TEX52: variants seen among roughly 807,000 people sequenced by gnomAD.
TEX52 encodes the protein testis expressed 52, also known as testis-expressed protein 52.
Under a neutral mutation model 17.6 loss-of-function variants are expected in TEX52, and 22 were observed. The ratio of observed to expected loss-of-function variants is 1.25; its 90% CI spans 0.89 to 1.78. The LOEUF (loss-of-function observed/expected upper bound fraction) is 1.78. Among genes scored for constraint, TEX52 ranks in the 40% most tolerant of loss-of-function variants. The probability of loss-of-function intolerance (pLI) is 0.00; values close to 1 mark genes in which losing one functional copy is unlikely to be tolerated. For synonymous variants in TEX52, 168 were observed against 147.4 expected (o/e 1.14, Z -1.01); for missense variants, 396 against 372.3 (o/e 1.06, Z -0.52).
chr12:2,851,288 C>T (rs2098070073), intron 2 of TEX52, among the ~76,000 whole-genome samples: 1 of 152,084 alleles, frequency 6.6e-6, no homozygotes, highest in South Asian at 2.1e-4. Flanking sequence ...AGGCCTAGGA[C>T]ATTACTGTAC....
At chr12:2,852,398 A>G (rs770064880) in intron 2 of TEX52, among the ~76,000 whole-genome samples, 1 of 151,876 alleles carries the variant, frequency 6.6e-6, no homozygotes, top group Non-Finnish European at 1.5e-5. Context: ...CTAGGGTCTC[A>G]CCACGTTGCC....
intron 1 of TEX52, among the ~76,000 whole-genome samples, chr12:2,855,773 G>C (rs1299277945): frequency 6.6e-6 from 1 of 152,132 alleles, no homozygotes; most frequent in Admixed American, 6.5e-5. Flanking sequence ...TTCCCACCCA[G>C]GAACTGGTGC....
downstream of TEX52, chr12:2,848,944 A>C: frequency 2.4e-6 from 1 of 418,226 alleles, no homozygotes; most frequent in Non-Finnish European, 4.3e-6. Context: ...CTCCTTAGGA[A>C]CTGGAGCCCC....
rs1171126116 is a variant in TEX52 at position 2,855,257 on chromosome 12, C to T, written c.262G>A (p.Gly88Ser). The T allele has an allele frequency of 1.5e-5, 22 of 1,511,228 alleles. No homozygotes were observed. Among genetic ancestry groups the T allele is most frequent in the Non-Finnish European group, 1.9e-5 (21 of 1,129,972 alleles). The allele number at this position is 1,511,228 out of a possible 1,614,324, so 93.6% of individuals were successfully genotyped here. The change falls in exon 2 of 3, where the codon GGC becomes AGC. Residue 88 changes from glycine (G) to serine (S), a missense_variant. Gly to Ser is a moderately conservative substitution (Grantham distance 56). Coordinates refer to ENST00000637658, the MANE Select transcript of TEX52 (RefSeq NM_001365174.2). Reference protein sequence around the residue: ...RQRLIHPWKGGAQHTWGFHTW... With the variant: ...RQRLIHPWKGSAQHTWGFHTW... ...TGAAAGCCCCAGGTGTGCTGGGCGC[C>T]ACCCTTCCAAGGGTGGATGAGCCGC... is the stretch of plus-strand genomic sequence containing the variant.
Position 2,855,058 on chromosome 12 carries a change from A to G in TEX52, c.461T>C (p.Ile154Thr), listed in dbSNP as rs1032595360. Residue 154 changes from isoleucine (I) to threonine (T), a missense_variant, in exon 2 of 3, where the codon ATC (isoleucine) becomes ACC (threonine). By Grantham distance (89) the Ile-to-Thr change is moderately conservative. Coordinates refer to ENST00000637658, the MANE Select transcript of TEX52 (RefSeq NM_001365174.2). ...WMGQNSFLTF[I>T]HCYPTFVDMK... ...GTCCACAAACGTGGGATAACAGTGG[A>G]TGAAGGTCAGGAAGCTGTTTTGCCC... 6.5e-7 allele frequency: 1 copy of G among 1,535,926 alleles called. No individual in the cohort carries two copies. Among genetic ancestry groups the G allele is most frequent in the South Asian group, 1.2e-5 (1 of 84,044 alleles).
At chr12:2,848,883 A>ACG (rs1248419088), downstream of TEX52, among the ~76,000 whole-genome samples, 2 of 149,182 alleles carry the variant, frequency 1.3e-5, no homozygotes, top group Non-Finnish European at 3.0e-5. Context: ...ACACGCACAC[A>ACG]CACACACACA....
chr12:2,848,896 C>T, downstream of TEX52: 1 of 339,788 alleles, frequency 2.9e-6, no homozygotes. Context: ...CACACACACA[C>T]ACACACACAC....
chr12:2,854,316 C>G, intron 2 of TEX52, among the ~76,000 whole-genome samples: 1 of 152,346 alleles, frequency 6.6e-6, no homozygotes, highest in Middle Eastern at 3.4e-3. Flanking sequence ...TGAGCCACCA[C>G]GCCCTGCCAT....
intron 2 of TEX52, among the ~76,000 whole-genome samples, chr12:2,851,968 C>T (rs1416783234): frequency 1.3e-5 from 2 of 152,232 alleles, no homozygotes; most frequent in African/African-American, 4.8e-5. Context: ...CGTGAGCCAC[C>T]ATTCCCGGTC....
chr12:2,854,568 C>A (rs2098081334), intron 2 of TEX52, among the ~76,000 whole-genome samples: 1 of 152,220 alleles, frequency 6.6e-6, no homozygotes, highest in Non-Finnish European at 1.5e-5. Flanking sequence ...GCACTCTGGG[C>A]CCTTTGCATG....
intron 2 of TEX52, among the ~76,000 whole-genome samples, chr12:2,850,185 G>A (rs2098065473): frequency 1.3e-5 from 2 of 152,080 alleles, no homozygotes; most frequent in South Asian, 4.1e-4. Context: ...TTTGAAAAAA[G>A]AGCCCCTAGG....
Position 2,849,893 on chromosome 12 carries a change from G to C in TEX52, c.624-368C>G, listed in dbSNP as rs1371578440. On this transcript the variant is annotated intron_variant, in intron 2 of 2. Transcript: ENST00000637658. ...AAAATCACAGAACTCAGCTCAACTGGATAACTGCCTCTTCTCAGTAAGCCT... is the reference window on the plus strand; with the variant it reads ...AAAATCACAGAACTCAGCTCAACTGCATAACTGCCTCTTCTCAGTAAGCCT... Among the ~76,000 whole-genome samples the C allele has an allele frequency of 2.0e-5, 3 of 152,304 alleles. No homozygotes were observed. In the East Asian group the frequency reaches 5.8e-4, roughly 29 times the overall value.
At chr12:2,856,500 G>A (rs1299303566) in intron 1 of TEX52, among the ~76,000 whole-genome samples, 2 of 152,066 alleles carry the variant, frequency 1.3e-5, no homozygotes, top group Non-Finnish European at 2.9e-5. Flanking sequence ...TGAGTAGCTG[G>A]GATTACAGGC....
downstream of TEX52, among the ~76,000 whole-genome samples, chr12:2,848,441 G>A (rs758389355): frequency 2.6e-5 from 4 of 152,192 alleles, no homozygotes; most frequent in Non-Finnish European, 5.9e-5. Flanking sequence ...AAAAGCTGAG[G>A]CCCAAGGCCT....
chr12:2,849,349 A>C lies in TEX52; in HGVS notation c.800T>G (p.Ile267Arg). The change falls in exon 3 of 3, where the codon ATA becomes AGA. Residue 267 changes from isoleucine to arginine, a missense_variant. Physicochemically the swap from Ile to Arg is moderately conservative, Grantham distance 97 (BLOSUM62 -3). Transcript: ENST00000637658. ...LPSAPLSQDLIRDFQTLIKDR... is the reference protein window; with the variant it reads ...LPSAPLSQDLRRDFQTLIKDR... ...CTTTATCAGGGTTTGGAAATCCCTT[A>C]TGAGGTCCTGGCTCAGGGGCGCGCT... The C allele has an allele frequency of 6.5e-7, 1 of 1,536,138 alleles. No individual in the cohort carries two copies. Among genetic ancestry groups the C allele is most frequent in the Non-Finnish European group, 8.7e-7 (1 of 1,146,914 alleles).
In TEX52 at chr12:2,853,418, G is replaced by A. The variant is rs190483576; in HGVS notation, c.623+1478C>T. Among the ~76,000 whole-genome samples, 920 of 152,010 alleles carry A rather than the reference G, an allele frequency of 6.1e-3. 8 individuals carry two copies. Among genetic ancestry groups the A allele is most frequent in the Admixed American group, 0.012 (179 of 15,254 alleles). ...CTCCTGAGTAGCTGGGATTACAGGC[G>A]CCTGCCACCACGCCCAGCTAATTTT... On this transcript the variant is annotated intron_variant, in intron 2 of 2. Coordinates refer to ENST00000637658, the MANE Select transcript of TEX52 (RefSeq NM_001365174.2).
Position 2,855,192 on chromosome 12 carries a change from G to C in TEX52, c.327C>G (p.Pro109=). 1 of 1,508,334 alleles carries C rather than the reference G, an allele frequency of 6.6e-7. No individual in the cohort carries two copies. Among genetic ancestry groups the C allele is most frequent in the South Asian group, 1.2e-5 (1 of 80,354 alleles). 93.4% of individuals were successfully genotyped at this position (1,508,334 alleles called of 1,614,324 possible). ...LDVCRLPATF[P]TQPDRPYDSN... ...TATCGTAGGGCCTGTCAGGCTGGGTGGGGAAGGTGGCAGGCAGACGGCACA... is the reference window on the plus strand; with the variant it reads ...TATCGTAGGGCCTGTCAGGCTGGGTCGGGAAGGTGGCAGGCAGACGGCACA... The change falls in exon 2 of 3, where the codon CCC becomes CCG. Residue 109 remains proline, a synonymous_variant. Coordinates refer to ENST00000637658, the MANE Select transcript of TEX52 (RefSeq NM_001365174.2).
At chr12:2,851,504 G>A (rs1431923962) in intron 2 of TEX52, among the ~76,000 whole-genome samples, 2 of 151,884 alleles carry the variant, frequency 1.3e-5, no homozygotes, top group East Asian at 2.0e-4. Context: ...CACCATGCCC[G>A]GCTAGTTTTT....
rs1018351841 is a variant in TEX52, at chr12:2,849,547, G to A, written c.624-22C>T. 7 of 1,535,678 alleles carry A rather than the reference G, an allele frequency of 4.6e-6. No individual in the cohort carries two copies. In the African/African-American group the frequency reaches 9.6e-5, roughly 21 times the overall value. On this transcript the variant is annotated intron_variant, in intron 2 of 2. Transcript: ENST00000637658. ...GTACCTGTTGGGAGAAGGGTATGGA[G>A]AGAACAGAGAGATCAAAGAAGAGAT...
Sources: gnomAD v4.1 joint callset for allele counts (sites outside exome capture counted in the v4.1 genomes callset) on GRCh38, gnomAD v4.1.1 for gene constraint, MANE v1.5 for transcripts, NCBI Gene and HGNC (gene_info 2026-07-23, HGNC 2026-07-21) for gene names.